STRBP: variants seen among roughly 807,000 people sequenced by gnomAD.
STRBP encodes the protein spermatid perinuclear RNA-binding protein.
STRBP carries 13 observed loss-of-function variants against 80.1 expected under a neutral mutation model. The ratio of observed to expected loss-of-function variants is 0.16; its 90% CI spans 0.11 to 0.26. The LOEUF is 0.26. Ranked by LOEUF, STRBP falls within the 10% of genes least tolerant of loss-of-function variation. The pLI, the probability that STRBP is intolerant of heterozygous loss-of-function variation, is 1.00. For missense variants in STRBP, 485 were observed against 815.2 expected (o/e 0.59, Z 4.93); for synonymous variants, 284 against 291.2 (o/e 0.98, Z 0.25).
intron 1 of STRBP, among the ~76,000 whole-genome samples, chr9:123,248,918 A>T (rs970171024): frequency 1.3e-5 from 2 of 152,248 alleles, no homozygotes; most frequent in Admixed American, 1.3e-4. Flanking sequence ...TCATATCTTT[A>T]GCAGTACCTA....
downstream of STRBP, among the ~76,000 whole-genome samples, chr9:123,118,940 C>G (rs1008500916): frequency 1.1e-4 from 16 of 152,142 alleles, no homozygotes; most frequent in Admixed American, 9.8e-4. Context: ...ACCCATTTTC[C>G]TCTTATCGAA....
intron 2 of STRBP, among the ~76,000 whole-genome samples, chr9:123,235,000 G>A (rs867075539): frequency 1.3e-5 from 2 of 149,030 alleles, no homozygotes; most frequent in East Asian, 2.0e-4. Context: ...TTTTTTTGGG[G>A]GGGGGGGGTA....
chr9:123,229,304 T>C (rs1403230937), intron 2 of STRBP, among the ~76,000 whole-genome samples: 1 of 152,170 alleles, frequency 6.6e-6, no homozygotes, highest in East Asian at 1.9e-4. Flanking sequence ...AACCACTGAA[T>C]TGTACATTTT....
At chr9:123,219,650 G>A (rs1017217642) in intron 2 of STRBP, among the ~76,000 whole-genome samples, 1 of 152,186 alleles carries the variant, frequency 6.6e-6, no homozygotes, top group Non-Finnish European at 1.5e-5. Flanking sequence ...TTTATTTAGC[G>A]AGACGCAGTA....
At chr9:123,235,825 G>T (rs1039899106) in intron 2 of STRBP, among the ~76,000 whole-genome samples, 2 of 152,016 alleles carry the variant, frequency 1.3e-5, no homozygotes, top group East Asian at 3.8e-4. Context: ...GGAATAGAGC[G>T]CTCAGCAAAA....
intron 13 of STRBP, among the ~76,000 whole-genome samples, chr9:123,140,537 T>C (rs999283874): frequency 6.6e-6 from 1 of 152,062 alleles, no homozygotes; most frequent in African/African-American, 2.4e-5. Context: ...GAGGTTGCAG[T>C]GAGCGGAGAT....
intron 4 of STRBP, among the ~76,000 whole-genome samples, chr9:123,174,061 T>C (rs1417036202): frequency 6.6e-6 from 1 of 152,236 alleles, no homozygotes. Context: ...ACAGATCTTG[T>C]AATTCTTTAC....
chr9:123,150,328 CCAA>C (rs2036997884), intron 11 of STRBP, among the ~76,000 whole-genome samples: 1 of 152,120 alleles, frequency 6.6e-6, no homozygotes. Flanking sequence ...AAAAGGCTTC[CCAA>C]CTAGAGCAAT....
intron 17 of STRBP, among the ~76,000 whole-genome samples, chr9:123,129,299 G>T (rs1201668515): frequency 6.6e-6 from 1 of 152,166 alleles, no homozygotes; most frequent in Non-Finnish European, 1.5e-5. Context: ...CGAGGCTGCA[G>T]TGAGCCATGA....
intron 1 of STRBP, among the ~76,000 whole-genome samples, chr9:123,247,851 A>T (rs1321682961): frequency 6.6e-6 from 1 of 152,240 alleles, no homozygotes; most frequent in African/African-American, 2.4e-5. Context: ...ATATCTTAAC[A>T]TACATGGATT....
At position 123,220,975 on chromosome 9, in the gene STRBP, C is replaced by A. The variant is rs1163481350; in HGVS notation, c.-165+15855G>T. 2.0e-5 allele frequency among the ~76,000 whole-genome samples: 3 copies of A among 151,722 alleles called. No individual in the cohort carries two copies. The East Asian group carries it at 5.8e-4, about 29-fold the overall frequency. ...ATTCTTGGTGGAAAAAGCAAAATGA[C>A]CAACTGACAATAAAATAGAGACGTT... On this transcript the variant is annotated intron_variant, in intron 2 of 18. Transcript: ENST00000348403.
intron 4 of STRBP, among the ~76,000 whole-genome samples, chr9:123,177,143 G>T (rs2038254022): frequency 6.6e-6 from 1 of 152,144 alleles, no homozygotes; most frequent in South Asian, 2.1e-4. Flanking sequence ...TCTGATATAA[G>T]AATAGAATCT....
At chr9:123,157,978 A>T (rs2037361642) in intron 11 of STRBP, 34 bp downstream of exon 11, 1 of 1,488,492 alleles carries the variant, frequency 6.7e-7, no homozygotes, top group Middle Eastern at 1.7e-4. Context: ...ACCAGTGCCA[A>T]CCCCCAACCC....
chr9:123,111,327 G>A (rs560767297), intron 3 of STRBP: 18 of 253,996 alleles, frequency 7.1e-5, no homozygotes, highest in Non-Finnish European at 1.2e-4. Flanking sequence ...CCTAAGACAC[G>A]ACTTGTAAAT....
intron 2 of STRBP, among the ~76,000 whole-genome samples, chr9:123,233,915 A>T (rs973070064): frequency 2.0e-5 from 3 of 152,220 alleles, no homozygotes; most frequent in African/African-American, 7.2e-5. Flanking sequence ...AAAATGTAAA[A>T]CTAGGCCGGG....
chr9:123,138,473 C>T (rs1369522297), intron 14 of STRBP, among the ~76,000 whole-genome samples: 1 of 152,208 alleles, frequency 6.6e-6, no homozygotes, highest in East Asian at 1.9e-4. Flanking sequence ...CATTTACTTT[C>T]ACAACTCAAA....
chr9:123,194,845 T>G (rs2039040419), intron 2 of STRBP, among the ~76,000 whole-genome samples: 1 of 152,122 alleles, frequency 6.6e-6, no homozygotes, highest in African/African-American at 2.4e-5. Context: ...TCCTCCTACT[T>G]TATAAATTAC....
intron 13 of STRBP, among the ~76,000 whole-genome samples, chr9:123,143,319 T>C (rs531499006): frequency 5.9e-5 from 9 of 152,118 alleles, no homozygotes; most frequent in African/African-American, 2.2e-4. Flanking sequence ...AGTGGAAGAG[T>C]GAAGGGAAGC....
chr9:123,132,735 C>T lies in STRBP; in HGVS notation c.1897+110G>A, dbSNP rs567803432. On this transcript the variant is annotated intron_variant, in intron 17 of 18. Transcript: ENST00000348403. ...TTTTAAATTTCTGTGTACATTCATG[C>T]CTGTGTTATATTTCCACAAACCCTG... is the stretch of plus-strand genomic sequence containing the variant. 13 of 1,414,724 alleles carry T rather than the reference C, an allele frequency of 9.2e-6. No individual in the cohort carries two copies. In the South Asian group the frequency reaches 1.7e-4, roughly 18 times the overall value. 87.6% of individuals were successfully genotyped at this position (1,414,724 alleles called of 1,614,324 possible). A position where few individuals can be genotyped will look rare whatever the true frequency, so the allele number is the denominator to read the frequency against.
Sources: allele counts gnomAD v4.1 joint callset (sites outside exome capture counted in the v4.1 genomes callset), GRCh38; gene constraint gnomAD v4.1.1; transcripts MANE v1.5; gene names NCBI Gene and HGNC (gene_info 2026-07-23, HGNC 2026-07-21).